Variants in SHC3 observed in about 807,000 individuals in gnomAD.
The protein encoded by SHC3 is SHC adaptor protein 3.
SHC3 carries 15 observed loss-of-function variants against 60.4 expected under a neutral mutation model. That is an observed-to-expected ratio of 0.25 (90% CI 0.17 to 0.38). SHC3 has a LOEUF of 0.38. SHC3 is among the 10% of genes least tolerant of loss of function. The pLI is 1.00. For synonymous variants in SHC3, 294 were observed against 325.9 expected (o/e 0.90, Z 1.05); for missense variants, 677 against 786.1 (o/e 0.86, Z 1.66).
rs80322851 is a variant in SHC3, at chr9:89,092,842, C to A, written c.546-14939G>T. Among the ~76,000 whole-genome samples, 935 of 151,682 alleles carry A rather than the reference C, an allele frequency of 6.2e-3. 9 individuals carry two copies. The highest frequency in any genetic ancestry group is 0.021 in the African/African-American group (878 of 41,316). On this transcript the variant is annotated intron_variant, in intron 2 of 11. Coordinates refer to ENST00000375835, the MANE Select transcript of SHC3 (RefSeq NM_016848.6). ...TTATCTTTTCTTTCTATACCTTTATCTTGTTTGACTCATTATGAAAAGCAT... is the reference window on the plus strand; with the variant it reads ...TTATCTTTTCTTTCTATACCTTTATATTGTTTGACTCATTATGAAAAGCAT...
chr9:89,060,775 A>G (rs549148041), intron 6 of SHC3, among the ~76,000 whole-genome samples: 3 of 152,194 alleles, frequency 2.0e-5, no homozygotes, highest in South Asian at 4.1e-4. Flanking sequence ...AAGAGCGGGC[A>G]CAGAGTGACT....
At chr9:89,129,464 C>A (rs543561932) in intron 1 of SHC3, among the ~76,000 whole-genome samples, 1 of 152,170 alleles carries the variant, frequency 6.6e-6, no homozygotes, top group African/African-American at 2.4e-5. Flanking sequence ...GTTAGATTCA[C>A]CAAAGTTGAA....
chr9:89,154,048 G>A (rs1181835282), intron 1 of SHC3, among the ~76,000 whole-genome samples: 3 of 152,154 alleles, frequency 2.0e-5, no homozygotes, highest in Non-Finnish European at 4.4e-5. Context: ...TCATCCAAGA[G>A]AAGTGGAGGG....
At chr9:89,176,893 T>A (rs766620888) in intron 1 of SHC3, among the ~76,000 whole-genome samples, 4 of 152,214 alleles carry the variant, frequency 2.6e-5, no homozygotes, top group Non-Finnish European at 5.9e-5. Flanking sequence ...AGACACTGCA[T>A]TTTACCTGAG....
intron 11 of SHC3, among the ~76,000 whole-genome samples, chr9:89,022,581 A>G (rs1826221760): frequency 6.6e-6 from 1 of 152,180 alleles, no homozygotes. Flanking sequence ...TGCTCATCAT[A>G]ATAGCAAAAA....
intron 1 of SHC3, 93 bp downstream of exon 1, chr9:89,177,894 C>G: frequency 8.8e-7 from 1 of 1,132,078 alleles, no homozygotes; most frequent in East Asian, 4.2e-5. Flanking sequence ...GTCGCGGGAG[C>G]GCCCCGCACC....
intron 2 of SHC3, among the ~76,000 whole-genome samples, chr9:89,080,780 T>C (rs994730724): frequency 1.3e-5 from 2 of 149,246 alleles, no homozygotes; most frequent in Admixed American, 6.6e-5. Flanking sequence ...TTTTTTTTTT[T>C]TTTTGAGACT....
intron 9 of SHC3, among the ~76,000 whole-genome samples, chr9:89,045,048 C>T (rs756209325): frequency 3.3e-5 from 5 of 152,046 alleles, no homozygotes; most frequent in Non-Finnish European, 7.4e-5. Context: ...GTAGGAGTCA[C>T]GGGGGCTCAA....
At chr9:89,158,151 T>C (rs1166433486) in intron 1 of SHC3, among the ~76,000 whole-genome samples, 1 of 151,932 alleles carries the variant, frequency 6.6e-6, no homozygotes, top group African/African-American at 2.4e-5. Flanking sequence ...GCTATAAATT[T>C]TCCTCTTTGC....
chr9:89,014,966 C>A (rs970297225), intron 11 of SHC3, among the ~76,000 whole-genome samples: 1 of 152,210 alleles, frequency 6.6e-6, no homozygotes, highest in Non-Finnish European at 1.5e-5. Flanking sequence ...ACCCTCTCCC[C>A]CCATCTCTGT....
chr9:89,112,717 C>T (rs1825968066), intron 1 of SHC3, 91 bp from the exon 2 acceptor site: 1 of 1,104,826 alleles, frequency 9.1e-7, no homozygotes, highest in African/African-American at 1.6e-5. Flanking sequence ...GGGAGCCATA[C>T]ACATTTCTTA....
intron 2 of SHC3, among the ~76,000 whole-genome samples, chr9:89,094,043 G>A (rs1825664118): frequency 6.6e-6 from 1 of 150,554 alleles, no homozygotes; most frequent in Non-Finnish European, 1.5e-5. Flanking sequence ...AGCAGAGGTT[G>A]CAGTGAGCCG....
At chr9:89,080,180 A>G (rs777386035) in intron 2 of SHC3, among the ~76,000 whole-genome samples, 4 of 152,150 alleles carry the variant, frequency 2.6e-5, no homozygotes, top group Non-Finnish European at 5.9e-5. Context: ...TTTAGCAATC[A>G]TTATTTAGCT....
chr9:89,100,426 TA>T (rs1490726437), intron 2 of SHC3, among the ~76,000 whole-genome samples: 1 of 152,142 alleles, frequency 6.6e-6, no homozygotes, highest in East Asian at 1.9e-4. Flanking sequence ...TTTGCAAAGA[TA>T]GGGGTCTCAC....
chr9:89,104,357 C>T (rs149584526), intron 2 of SHC3, among the ~76,000 whole-genome samples: 2 of 152,330 alleles, frequency 1.3e-5, no homozygotes, highest in Non-Finnish European at 2.9e-5. Flanking sequence ...CTCTGACTTA[C>T]TGAATCACAA....
At chr9:89,085,346 G>A (rs957546065) in intron 2 of SHC3, among the ~76,000 whole-genome samples, 3 of 152,152 alleles carry the variant, frequency 2.0e-5, no homozygotes, top group African/African-American at 7.2e-5. Context: ...ACTTTTCCTT[G>A]TAAAATGGCA....
intron 2 of SHC3, chr9:89,109,745 G>C (rs1221679120): frequency 1.0e-6 from 1 of 985,416 alleles, no homozygotes; most frequent in East Asian, 1.1e-4. Context: ...CCAGGCTCCT[G>C]CTCCCTTCTT....
chr9:89,081,386 T>C (rs910078119), intron 2 of SHC3, among the ~76,000 whole-genome samples: 4 of 152,208 alleles, frequency 2.6e-5, no homozygotes, highest in African/African-American at 7.2e-5. Flanking sequence ...TCTATTTTCA[T>C]AGCCAAATAT....
At chr9:89,066,163 C>G (rs1825177125) in intron 5 of SHC3, among the ~76,000 whole-genome samples, 2 of 152,130 alleles carry the variant, frequency 1.3e-5, no homozygotes, top group Non-Finnish European at 2.9e-5. Flanking sequence ...GAACGCTAAG[C>G]CATACCCCCG....
Sources: allele counts gnomAD v4.1 joint callset (sites outside exome capture counted in the v4.1 genomes callset), GRCh38; gene constraint gnomAD v4.1.1; transcripts MANE v1.5; gene names NCBI Gene and HGNC (gene_info 2026-07-23, HGNC 2026-07-21).